Variants in TNRC6A observed in about 807,000 individuals in gnomAD.
TNRC6A encodes trinucleotide repeat containing adaptor 6A.
A neutral mutation model predicts 221.2 loss-of-function variants in TNRC6A; 44 were observed. The observed-to-expected ratio is 0.20, with a 90% CI of 0.16 to 0.26. TNRC6A has a LOEUF of 0.26. Among genes scored for constraint, TNRC6A ranks in the 10% least tolerant of loss-of-function variants. The pLI is 1.00. For missense variants in TNRC6A, 2,199 were observed against 2,404.4 expected (o/e 0.91, Z 1.79); for synonymous variants, 847 against 838.5 (o/e 1.01, Z -0.18).
chr16:24,718,353 C>T (rs1052442799), intron 2 of TNRC6A, among the ~76,000 whole-genome samples: 2 of 152,198 alleles, frequency 1.3e-5, no homozygotes, highest in Non-Finnish European at 2.9e-5. Flanking sequence ...ACTTGACTCA[C>T]ATCTGTATTC....
chr16:24,729,941 C>CAGCAGAGG, intron 1 of TNRC6A, 95 bp downstream of exon 1: 10 of 1,062,602 alleles, frequency 9.4e-6, no homozygotes, highest in Non-Finnish European at 9.4e-6. Context: ...GGCGGCGGCG[C>CAGCAGAGG]CGGGCGTCCC....
intron 2 of TNRC6A, among the ~76,000 whole-genome samples, chr16:24,732,088 C>G: frequency 6.6e-6 from 1 of 152,132 alleles, no homozygotes; most frequent in Non-Finnish European, 1.5e-5. Context: ...TTCAGTCGGT[C>G]AGAAGGCATG....
intron 1 of TNRC6A, among the ~76,000 whole-genome samples, chr16:24,611,614 C>G (rs978680008): frequency 6.6e-6 from 1 of 152,114 alleles, no homozygotes; most frequent in African/African-American, 2.4e-5. Context: ...AGAGCTGGCT[C>G]CGAGTTTGAG....
intron 2 of TNRC6A, among the ~76,000 whole-genome samples, chr16:24,716,884 G>A (rs1405796206): frequency 6.6e-6 from 1 of 151,382 alleles, no homozygotes; most frequent in African/African-American, 2.4e-5. Context: ...CTTGAACCTG[G>A]GGGCAGAGGT....
At chr16:24,728,819 C>G (rs1031013643), upstream of TNRC6A, among the ~76,000 whole-genome samples, 1 of 152,152 alleles carries the variant, frequency 6.6e-6, no homozygotes, top group East Asian at 1.9e-4. Flanking sequence ...CTTACTGTGT[C>G]TACACTAAGA....
Position 24,721,081 on chromosome 16 carries a change from C to T in TNRC6A, n.403-29645C>T, listed in dbSNP as rs188233403. On this transcript the variant is annotated intron_variant and non_coding_transcript_variant, in intron 2 of 2. Coordinates refer to the TNRC6A transcript ENST00000566108. Reference sequence around the variant, plus strand: ...AAAATTAAGGCTGCTGTATGGAGAACGGTGTTGATGGGCTAAGAATGAACA... The same window carrying T: ...AAAATTAAGGCTGCTGTATGGAGAATGGTGTTGATGGGCTAAGAATGAACA... 1.3e-4 allele frequency among the ~76,000 whole-genome samples: 20 copies of T among 152,102 alleles called. No homozygotes were observed. The East Asian group carries it at 3.3e-3, about 25-fold the overall frequency.
rs773271472 is a variant in TNRC6A, at chr16:24,777,238, G to A, written c.469G>A (p.Val157Ile). Residue 157 changes from valine to isoleucine, a missense_variant, in exon 5 of 25, where the codon GTT becomes ATT. By Grantham distance (29) the Val-to-Ile change is conservative. Transcript: ENST00000395799. ...TCTAAAGAGGGGTCAGCATTTTCCT[G>A]TTATAGCAGCAAACCTTGGATCTGC... is the stretch of plus-strand genomic sequence containing the variant. ...QLLKRGQHFPVIAANLGSAVK... is the reference protein window; with the variant it reads ...QLLKRGQHFPIIAANLGSAVK... The A allele has an allele frequency of 1.2e-6, 2 of 1,614,172 alleles. No individual in the cohort carries two copies. Among genetic ancestry groups the A allele is most frequent in the Non-Finnish European group, 1.7e-6 (2 of 1,180,038 alleles).
intron 6 of TNRC6A, among the ~76,000 whole-genome samples, chr16:24,793,078 T>G (rs573537074): frequency 2.1e-3 from 322 of 152,272 alleles, no homozygotes; most frequent in Non-Finnish European, 3.4e-3. Context: ...CATCAGCCAC[T>G]GTACCCAGCT....
Position 24,790,883 on chromosome 16 carries a change from C to T in TNRC6A, c.2241C>T (p.Asp747=), listed in dbSNP as rs113288384. Residue 747 remains aspartate (D), a synonymous_variant, in exon 6 of 25, where the codon GAC becomes GAT. Transcript: ENST00000395799. ...CACCTAGAGGGGAACGAAAGACTGA[C>T]AATGGGACAGAGGCCTGGGGAAGCT... ...ETSPRGERKT[D]NGTEAWGSSA... 75 of 1,614,128 alleles carry T rather than the reference C, an allele frequency of 4.6e-5. 1 individual carries two copies. The African/African-American group carries it at 6.3e-4, about 13-fold the overall frequency.
rs770583754 is a variant in TNRC6A, at chr16:24,791,044, A to AG, written c.2409dup (p.Trp804ValfsTer4). The stretch of plus-strand genomic sequence containing the variant: ...GGAGATTCCAAAGGCTCAAACTGCC[A>AG]GGGGGGGTGGGAAGATGATTCTGCT... On this transcript the variant is annotated frameshift_variant, in exon 6 of 25. Transcript: ENST00000395799. LOFTEE classifies it high-confidence loss of function. 4 of 1,594,424 alleles carry AG rather than the reference A, an allele frequency of 2.5e-6. No homozygotes were observed.
chr16:24,821,837 C>G, intron 22 of TNRC6A: 1 of 550,344 alleles, frequency 1.8e-6, no homozygotes. Context: ...CACTGCCCTC[C>G]TCTGTGGTGA....
intron 2 of TNRC6A, among the ~76,000 whole-genome samples, chr16:24,719,077 A>C (rs900275352): frequency 6.6e-6 from 1 of 151,838 alleles, no homozygotes; most frequent in African/African-American, 2.4e-5. Flanking sequence ...AAAAGAGATA[A>C]GCAGACTATG....
chr16:24,714,263 A>G (rs2056267809), intron 2 of TNRC6A, among the ~76,000 whole-genome samples: 3 of 136,130 alleles, frequency 2.2e-5, no homozygotes, highest in Non-Finnish European at 3.1e-5. Context: ...CATCAGATTC[A>G]CTGATCTTTT....
At chr16:24,660,721 CTTTTTTCTTTTTT>C (rs1398874426) in intron 2 of TNRC6A, among the ~76,000 whole-genome samples, 17 of 126,770 alleles carry the variant, frequency 1.3e-4, no homozygotes, top group Non-Finnish European at 2.7e-4. Context: ...CTTTCTTTTT[CTTTTTTCTTTTTT>C]TTTTCTTTTT....
chr16:24,682,251 G>A lies in TNRC6A; in HGVS notation n.402+41242G>A, dbSNP rs540383234. 2.0e-5 allele frequency among the ~76,000 whole-genome samples: 3 copies of A among 151,936 alleles called. No homozygotes were observed. In the South Asian group the frequency reaches 6.2e-4, roughly 32 times the overall value. ...TTTGATTTTTTTTTTTTTAAAGGCA[G>A]GGTCTTGCTCTGTTGCTCAGGCTGG... On this transcript the variant is annotated intron_variant and non_coding_transcript_variant, in intron 2 of 2. Coordinates refer to the TNRC6A transcript ENST00000566108.
At chr16:24,675,659 ACTCT>A (rs71381700) in intron 2 of TNRC6A, among the ~76,000 whole-genome samples, 543 of 37,352 alleles carry the variant, frequency 0.015, 10 homozygotes, top group Middle Eastern at 0.019. Context: ...CCAGCCAGAG[ACTCT>A]CTCTCTCTCT....
chr16:24,623,124 C>A (rs999324711), intron 1 of TNRC6A, among the ~76,000 whole-genome samples: 3 of 152,124 alleles, frequency 2.0e-5, no homozygotes, highest in Admixed American at 6.6e-5. Flanking sequence ...GCAAAGCAAC[C>A]ACCCAACCCA....
rs2287786 is a variant in TNRC6A, at chr16:24,806,487, G to C, written c.4330-87G>C. 53,621 of 1,527,678 alleles carry C rather than the reference G, an allele frequency of 0.035. 5,159 individuals are homozygous for C. The East Asian group carries it at 0.36, about 10-fold the overall frequency. 94.6% of individuals were successfully genotyped at this position (1,527,678 alleles called of 1,614,324 possible). ...TATTCACCTTTCTGCTGAGACGAAA[G>C]TGAATTCAAAAATGGAGAGGAATAT... On this transcript the variant is annotated intron_variant, in intron 16 of 24. Coordinates refer to ENST00000395799, the MANE Select transcript of TNRC6A (RefSeq NM_014494.4).
intron 3 of TNRC6A, among the ~76,000 whole-genome samples, chr16:24,756,378 C>T (rs1187038633): frequency 6.6e-6 from 1 of 152,162 alleles, no homozygotes; most frequent in Non-Finnish European, 1.5e-5. Flanking sequence ...CCAGACCAGC[C>T]CGCAAAAACC....
Sources: allele counts gnomAD v4.1 joint callset (sites outside exome capture counted in the v4.1 genomes callset), GRCh38; gene constraint gnomAD v4.1.1; transcripts MANE v1.5; gene names NCBI Gene and HGNC (gene_info 2026-07-23, HGNC 2026-07-21).